GRID2: variants seen among roughly 807,000 people sequenced by gnomAD.
GRID2 encodes glutamate ionotropic receptor delta type subunit 2, also known as glutamate receptor ionotropic, delta-2.
In GRID2, 33 loss-of-function variants were observed where a neutral mutation model predicts 114.8. The observed-to-expected ratio is 0.29, with a 90% confidence interval of 0.22 to 0.38. The LOEUF (loss-of-function observed/expected upper bound fraction) is 0.38. Among genes scored for constraint, GRID2 ranks in the 10% least tolerant of loss-of-function variants. The probability of loss-of-function intolerance (pLI) is 1.00; values close to 1 mark genes in which losing one functional copy is unlikely to be tolerated. For missense variants in GRID2, 1,184 were observed against 1,257.7 expected (o/e 0.94, Z 0.89); for synonymous variants, 505 against 449.9 (o/e 1.12, Z -1.55).
At chr4:92,485,294 G>A (rs1338609271) in intron 1 of GRID2, among the ~76,000 whole-genome samples, 3 of 88,492 alleles carry the variant, frequency 3.4e-5, no homozygotes, top group African/African-American at 1.3e-4. Flanking sequence ...AATAAATAAG[G>A]TGTGTGCATA....
chr4:93,591,681 G>T (rs62320415), intron 13 of GRID2, among the ~76,000 whole-genome samples: 1 of 151,910 alleles, frequency 6.6e-6, no homozygotes, highest in Non-Finnish European at 1.5e-5. Flanking sequence ...GAATCCATCT[G>T]GTCCTGGACT....
At position 93,572,371 on chromosome 4, in the gene GRID2, T is replaced by C. The variant is rs532907971; in HGVS notation, c.2194-53898T>C. 2.0e-4 allele frequency among the ~76,000 whole-genome samples: 31 copies of C among 152,304 alleles called. No individual in the cohort carries two copies. The South Asian group carries it at 4.6e-3, about 22-fold the overall frequency. On this transcript the variant is annotated intron_variant, in intron 13 of 15. Transcript: ENST00000282020. ...ATATGCTCTAGTATTTTGCACGATA[T>C]GCTTTGAGTTCCATTATGAGCATTT...
intron 2 of GRID2, among the ~76,000 whole-genome samples, chr4:93,032,552 C>A (rs1041256019): frequency 1.3e-5 from 2 of 152,052 alleles, no homozygotes; most frequent in South Asian, 4.1e-4. Flanking sequence ...TTTCTTAACT[C>A]TTATCTTAAT....
chr4:93,803,333 AAG>A (rs1290897380), intron 1 of GRID2, among the ~76,000 whole-genome samples: 1 of 152,206 alleles, frequency 6.6e-6, no homozygotes, highest in Non-Finnish European at 1.5e-5. Flanking sequence ...TCTTGAGAGA[AAG>A]AGAGAAAAAA....
chr4:93,630,190 G>T (rs944100717), intron 14 of GRID2, among the ~76,000 whole-genome samples: 2 of 152,082 alleles, frequency 1.3e-5, no homozygotes, highest in African/African-American at 4.8e-5. Context: ...GTTAAAGTCA[G>T]TCTTTTTTTT....
chr4:93,672,383 G>T (rs1724505641), intron 14 of GRID2, among the ~76,000 whole-genome samples: 1 of 152,248 alleles, frequency 6.6e-6, no homozygotes, highest in Non-Finnish European at 1.5e-5. Flanking sequence ...TCACGTGCAT[G>T]TGGGCAAGAA....
chr4:92,970,098 C>T (rs1578636122), intron 2 of GRID2, among the ~76,000 whole-genome samples: 1 of 151,978 alleles, frequency 6.6e-6, no homozygotes, highest in East Asian at 1.9e-4. Flanking sequence ...TCTTGAATGT[C>T]TCAGTATTGC....
At chr4:93,458,970 A>G (rs1440721017) in intron 11 of GRID2, among the ~76,000 whole-genome samples, 3 of 152,026 alleles carry the variant, frequency 2.0e-5, no homozygotes, top group Non-Finnish European at 2.9e-5. Flanking sequence ...ACCTGAGGTC[A>G]GGAGTTCGAG....
intron 2 of GRID2, among the ~76,000 whole-genome samples, chr4:92,916,052 T>C (rs1197560006): frequency 2.0e-5 from 3 of 152,180 alleles, no homozygotes; most frequent in East Asian, 1.9e-4. Flanking sequence ...TTCTTTGCGA[T>C]GCGTAAACTC....
intron 14 of GRID2, among the ~76,000 whole-genome samples, chr4:93,747,783 G>C (rs1271828129): frequency 6.6e-6 from 1 of 150,948 alleles, no homozygotes; most frequent in Non-Finnish European, 1.5e-5. Context: ...AATCAATGTT[G>C]ATTTGTTTTC....
intron 1 of GRID2, among the ~76,000 whole-genome samples, chr4:92,419,292 C>T (rs1731772683): frequency 6.6e-6 from 1 of 152,018 alleles, no homozygotes; most frequent in Non-Finnish European, 1.5e-5. Context: ...TGATTTAAAC[C>T]TCCTAAAACT....
rs139859294 is a variant in GRID2, at chr4:92,855,344, C to T, written c.245-229651C>T. Among the ~76,000 whole-genome samples the T allele has an allele frequency of 5.0e-3, 762 of 151,952 alleles. 3 individuals carry two copies. Among genetic ancestry groups the T allele is most frequent in the Non-Finnish European group, 8.9e-3 (607 of 67,890 alleles). On this transcript the variant is annotated intron_variant, in intron 2 of 15. Coordinates refer to ENST00000282020, the MANE Select transcript of GRID2 (RefSeq NM_001510.4). ...ATGGTACCTGTCTTTACCTTAAAGG[C>T]GAATAGTCCTGCACATCAGATAAAA...
intron 1 of GRID2, among the ~76,000 whole-genome samples, chr4:92,439,790 C>G (rs1732939877): frequency 6.9e-6 from 1 of 145,804 alleles, no homozygotes; most frequent in Non-Finnish European, 1.5e-5. Context: ...ATAGTCCTGC[C>G]AGCAAAGATT....
At chr4:93,732,137 A>G (rs1730537506) in intron 14 of GRID2, among the ~76,000 whole-genome samples, 1 of 152,234 alleles carries the variant, frequency 6.6e-6, no homozygotes, top group South Asian at 2.1e-4. Context: ...TACTGAGACC[A>G]TAGGAGAAAG....
intron 2 of GRID2, among the ~76,000 whole-genome samples, chr4:92,916,001 T>C (rs1398715229): frequency 6.6e-6 from 1 of 152,188 alleles, no homozygotes; most frequent in Non-Finnish European, 1.5e-5. Context: ...GCAAATATTT[T>C]CTCCCATTCT....
chr4:92,794,442 C>T (rs1341347382), intron 2 of GRID2, among the ~76,000 whole-genome samples: 1 of 151,644 alleles, frequency 6.6e-6, no homozygotes. Context: ...AATTGTATGG[C>T]AAAATACCAA....
At chr4:93,656,229 T>C (rs1255615505) in intron 14 of GRID2, among the ~76,000 whole-genome samples, 1 of 152,056 alleles carries the variant, frequency 6.6e-6, no homozygotes, top group Non-Finnish European at 1.5e-5. Flanking sequence ...AAATTGTTTC[T>C]ATTTAATGTA....
In GRID2 at chr4:93,020,380, A is replaced by G. The variant is rs891330170; in HGVS notation, c.245-64615A>G. Among the ~76,000 whole-genome samples the G allele has an allele frequency of 2.0e-5, 3 of 152,300 alleles. No individual in the cohort carries two copies. The East Asian group carries it at 5.8e-4, about 29-fold the overall frequency. Reference sequence around the variant, plus strand: ...ATTTTAAAATTCTATGAAAAAATGCAAAGAAATCCTGCTGTTCATATACAG... The same window carrying G: ...ATTTTAAAATTCTATGAAAAAATGCGAAGAAATCCTGCTGTTCATATACAG... On this transcript the variant is annotated intron_variant, in intron 2 of 15. Transcript: ENST00000282020.
At chr4:92,407,165 TG>T (rs1579309542) in intron 1 of GRID2, among the ~76,000 whole-genome samples, 2 of 152,114 alleles carry the variant, frequency 1.3e-5, no homozygotes, top group African/African-American at 2.4e-5. Context: ...GAGAACAGCA[TG>T]GGGGAAACTG....
Sources: gnomAD v4.1 joint callset for allele counts (sites outside exome capture counted in the v4.1 genomes callset) on GRCh38, gnomAD v4.1.1 for gene constraint, MANE v1.5 for transcripts, NCBI Gene and HGNC (gene_info 2026-07-23, HGNC 2026-07-21) for gene names.